ADAMTS9: variants seen among roughly 807,000 people sequenced by gnomAD.
ADAMTS9 encodes the protein ADAM metallopeptidase with thrombospondin type 1 motif 9.
Under a neutral mutation model 257.1 loss-of-function variants are expected in ADAMTS9, and 107 were observed. The ratio of observed to expected loss-of-function variants is 0.42; its 90% CI spans 0.36 to 0.49. The LOEUF (loss-of-function observed/expected upper bound fraction) is 0.49. ADAMTS9 is among the 20% of genes least tolerant of loss of function. The pLI is 0.03. For missense variants in ADAMTS9, 2,353 were observed against 2,469.1 expected, an observed-to-expected ratio of 0.95 and a Z score of 1.00; for synonymous variants, 982 against 880.9, an observed-to-expected ratio of 1.11 and a Z score of -2.03.
chr3:64,639,533 C>G (rs1410579471), intron 12 of ADAMTS9, among the ~76,000 whole-genome samples: 2 of 149,928 alleles, frequency 1.3e-5, no homozygotes, highest in African/African-American at 5.0e-5. Context: ...CACATTACTT[C>G]TAGAATTGCT....
intron 19 of ADAMTS9, 104 bp downstream of exon 19, chr3:64,621,009 AG>A: frequency 1.5e-6 from 2 of 1,378,112 alleles, no homozygotes; most frequent in South Asian, 2.9e-5. Context: ...AACACAAGAA[AG>A]GGGAACTAAA....
At chr3:64,642,762 C>T (rs921440412) in intron 11 of ADAMTS9, among the ~76,000 whole-genome samples, 4 of 152,190 alleles carry the variant, frequency 2.6e-5, no homozygotes, top group Admixed American at 6.5e-5. Context: ...GCGGCAGTGG[C>T]CACAGGAGGG....
At chr3:64,682,030 C>T (rs986306869) in intron 2 of ADAMTS9, among the ~76,000 whole-genome samples, 1 of 152,164 alleles carries the variant, frequency 6.6e-6, no homozygotes, top group Non-Finnish European at 1.5e-5. Context: ...GGCCACAATG[C>T]ATTCAAGGTG....
intron 32 of ADAMTS9, among the ~76,000 whole-genome samples, chr3:64,545,222 G>A (rs369800868): frequency 1.3e-5 from 2 of 152,130 alleles, no homozygotes; most frequent in African/African-American, 4.8e-5. Context: ...GATCTAGAAC[G>A]AGAAATACCA....
intron 3 of ADAMTS9, among the ~76,000 whole-genome samples, chr3:64,660,012 T>A (rs73124250): frequency 6.6e-6 from 1 of 152,074 alleles, no homozygotes; most frequent in African/African-American, 2.4e-5. Context: ...ATATTACTGA[T>A]GAAAATACTG....
chr3:64,541,377 T>G lies in ADAMTS9; in HGVS notation c.5330A>C (p.Glu1777Ala). The G allele has an allele frequency of 6.2e-7, 1 of 1,614,160 alleles. No individual in the cohort carries two copies. Among genetic ancestry groups the G allele is most frequent in the South Asian group, 1.1e-5 (1 of 91,084 alleles). Residue 1777 changes from glutamate (E) to alanine (A), a missense_variant, in exon 35 of 40, where the codon GAG becomes GCG. By Grantham distance (107) the Glu-to-Ala change is moderately radical. This residue lies in a region of ADAMTS9 where 1,402 missense variants were observed against 1,441.4 expected (regional missense o/e 0.97). Transcript: ENST00000498707. ...GTCTCCATGCACCAGTGTCACGTAC[T>G]CTTTGGGGTGGTCAGAGTGCATCCC... Reference protein sequence around the residue: ...CAGMHSDHPKEYVTLVHGDSE... With the variant: ...CAGMHSDHPKAYVTLVHGDSE...
Position 64,546,825 on chromosome 3 carries a change from C to T in ADAMTS9, c.4997G>A (p.Ser1666Asn). 1 of 1,614,084 alleles carries T rather than the reference C, an allele frequency of 6.2e-7. No individual in the cohort carries two copies. Among genetic ancestry groups the T allele is most frequent in the Non-Finnish European group, 8.5e-7 (1 of 1,179,980 alleles). Reference protein sequence around the residue: ...TINCPGTQPPSVHPCYLRDCP... With the variant: ...TINCPGTQPPNVHPCYLRDCP... The stretch of plus-strand genomic sequence containing the variant: ...GTCCCTCAGGTAACAGGGGTGAACA[C>T]TGGGGGGCTGCGTGCCTGGGCAGTT... Residue 1666 changes from serine to asparagine, a missense_variant, in exon 32 of 40, where the codon AGT (serine) becomes AAT (asparagine). Coordinates refer to ENST00000498707, the MANE Select transcript of ADAMTS9 (RefSeq NM_182920.2).
intron 25 of ADAMTS9, among the ~76,000 whole-genome samples, chr3:64,602,792 C>T (rs758939658): frequency 6.6e-6 from 1 of 152,222 alleles, no homozygotes; most frequent in Non-Finnish European, 1.5e-5. Context: ...CTCCTCTTGA[C>T]CTCTTTCTAG....
At chr3:64,607,577 A>G (rs1277004453) in intron 22 of ADAMTS9, among the ~76,000 whole-genome samples, 1 of 152,222 alleles carries the variant, frequency 6.6e-6, no homozygotes, top group African/African-American at 2.4e-5. Context: ...TAGGAAAATA[A>G]TGTAGCCACT....
At chr3:64,619,100 AT>A (rs1055802092) in intron 19 of ADAMTS9, among the ~76,000 whole-genome samples, 12 of 152,144 alleles carry the variant, frequency 7.9e-5, no homozygotes, top group Non-Finnish European at 1.5e-4. Context: ...AGAATTATTT[AT>A]TTTTTAGATC....
chr3:64,544,057 G>C (rs1399152869), intron 32 of ADAMTS9, among the ~76,000 whole-genome samples: 1 of 152,122 alleles, frequency 6.6e-6, no homozygotes, highest in Non-Finnish European at 1.5e-5. Context: ...CAACTTACAA[G>C]GGATGTGAAG....
At position 64,528,761 on chromosome 3, in the gene ADAMTS9, G is replaced by C. The variant is rs1174359460; in HGVS notation, c.5718+4405C>G. On this transcript the variant is annotated intron_variant, in intron 38 of 39. Transcript: ENST00000498707. The stretch of plus-strand genomic sequence containing the variant: ...TGTGCTCCTGCTATTTGCCCAGTAG[G>C]ATACCAACAGCTTTACATTTTTATT... Among the ~76,000 whole-genome samples the C allele has an allele frequency of 2.0e-5, 3 of 152,166 alleles. No homozygotes were observed. The East Asian group carries it at 5.8e-4, about 29-fold the overall frequency.
At chr3:64,585,376 G>A (rs778821373) in intron 28 of ADAMTS9, among the ~76,000 whole-genome samples, 9 of 152,158 alleles carry the variant, frequency 5.9e-5, no homozygotes, top group Non-Finnish European at 1.2e-4. Flanking sequence ...GGTGATGAGA[G>A]GAAGAGGATG....
Position 64,541,078 on chromosome 3 carries a change from A to G in ADAMTS9, c.5521+17T>C. 6.2e-7 allele frequency: 1 copy of G among 1,613,082 alleles called. No homozygotes were observed. Among genetic ancestry groups the G allele is most frequent in the East Asian group, 2.2e-5 (1 of 44,864 alleles). On this transcript the variant is annotated intron_variant, in intron 36 of 39. Transcript: ENST00000498707. Reference sequence around the variant, plus strand: ...AGAAGAACGCACACGTTCCCAAAGGACTCCTCACTAACTTACTGATTATCT... The same window carrying G: ...AGAAGAACGCACACGTTCCCAAAGGGCTCCTCACTAACTTACTGATTATCT...
intron 11 of ADAMTS9, among the ~76,000 whole-genome samples, chr3:64,644,302 A>C (rs1168791888): frequency 6.6e-6 from 1 of 152,236 alleles, no homozygotes; most frequent in Non-Finnish European, 1.5e-5. Flanking sequence ...GCCAAACATC[A>C]CAAAGAGGCA....
Position 64,603,946 on chromosome 3 carries a change from T to C in ADAMTS9, c.3723A>G (p.Gln1241=), listed in dbSNP as rs762367754. 1.2e-6 allele frequency: 2 copies of C among 1,613,834 alleles called. No individual in the cohort carries two copies. Among genetic ancestry groups the C allele is most frequent in the South Asian group, 2.2e-5 (2 of 91,064 alleles). The change falls in exon 25 of 40, where the codon CAA becomes CAG. Residue 1241 remains glutamine, a synonymous_variant. Transcript: ENST00000498707. ...CAGAGCTCCAGTCCAAGGCCTTCCA[T>C]TGCCCACAGGGTGTCACAGAACATT... ...KEECSVTPCG[Q]WKALDWSSCS... is the part of the protein sequence containing the mutation.
intron 12 of ADAMTS9, among the ~76,000 whole-genome samples, chr3:64,638,219 C>T (rs1700549405): frequency 6.6e-6 from 1 of 152,106 alleles, no homozygotes; most frequent in African/African-American, 2.4e-5. Context: ...TCCTAAGGAA[C>T]TGACACGATT....
At chr3:64,552,965 C>T (rs2083288599) in intron 30 of ADAMTS9, among the ~76,000 whole-genome samples, 1 of 152,098 alleles carries the variant, frequency 6.6e-6, no homozygotes, top group African/African-American at 2.4e-5. Context: ...CCTGCCTTGC[C>T]TCAAAGGCAT....
At chr3:64,647,897 A>T (rs777894536) in intron 11 of ADAMTS9, 43 bp downstream of exon 11, 19 of 1,560,096 alleles carry the variant, frequency 1.2e-5, no homozygotes, top group Non-Finnish European at 1.7e-5. Flanking sequence ...AATCTTGCAC[A>T]TTTCTGCCCT....
Sources: gnomAD v4.1 joint callset for allele counts (sites outside exome capture counted in the v4.1 genomes callset) on GRCh38, gnomAD v4.1.1 for gene constraint, gnomAD v4.1.1 regional missense constraint, MANE v1.5 for transcripts, NCBI Gene and HGNC (gene_info 2026-07-23, HGNC 2026-07-21) for gene names.